Variants in RIMS2 observed in about 807,000 individuals in gnomAD.
RIMS2 encodes regulating synaptic membrane exocytosis 2.
Under a neutral mutation model 174.4 loss-of-function variants are expected in RIMS2, and 59 were observed. The ratio of observed to expected loss-of-function variants is 0.34; its 90% CI spans 0.27 to 0.42. The LOEUF is 0.42. Ranked by LOEUF, RIMS2 falls within the 10% of genes least tolerant of loss-of-function variation. RIMS2 has a pLI of 1.00. For missense variants in RIMS2, 1,620 were observed against 1,666.3 expected, an observed-to-expected ratio of 0.97 and a Z score of 0.48; for synonymous variants, 606 against 572.5, an observed-to-expected ratio of 1.06 and a Z score of -0.84.
At chr8:104,067,016 A>C (rs920445107) in intron 19 of RIMS2, among the ~76,000 whole-genome samples, 16 of 152,226 alleles carry the variant, frequency 1.1e-4, no homozygotes, top group Admixed American at 9.2e-4. Flanking sequence ...AAATTAAAAC[A>C]TTAAAAATTT....
chr8:103,946,184 A>G (rs2083723535), intron 14 of RIMS2, among the ~76,000 whole-genome samples: 1 of 152,168 alleles, frequency 6.6e-6, no homozygotes, highest in Admixed American at 6.5e-5. Context: ...TTAACATTTT[A>G]ATACTGAAAT....
intron 3 of RIMS2, among the ~76,000 whole-genome samples, chr8:103,794,492 C>G (rs1412437998): frequency 6.6e-6 from 1 of 152,054 alleles, no homozygotes; most frequent in Non-Finnish European, 1.5e-5. Context: ...AGAAGAAAAC[C>G]TAGGCAATAC....
chr8:103,786,160 C>T (rs114575885), intron 3 of RIMS2, among the ~76,000 whole-genome samples: 23,889 of 151,938 alleles, frequency 0.16, 1,987 homozygotes, highest in Middle Eastern at 0.24. Flanking sequence ...TTCTTCTCTC[C>T]TTCCATCTTT....
chr8:103,761,541 T>G (rs1419421994), intron 2 of RIMS2, among the ~76,000 whole-genome samples: 1 of 152,198 alleles, frequency 6.6e-6, no homozygotes, highest in African/African-American at 2.4e-5. Context: ...CTGAACAGCA[T>G]GAAGATAGCA....
At chr8:104,126,998 A>T (rs2098437309) in intron 19 of RIMS2, among the ~76,000 whole-genome samples, 1 of 152,182 alleles carries the variant, frequency 6.6e-6, no homozygotes, top group Admixed American at 6.5e-5. Context: ...AAAGTTCTAA[A>T]TTATCTGAAA....
exon 2 of RIMS2, chr8:103,697,125 A>G (rs752333714): frequency 6.2e-7 from 1 of 1,613,510 alleles, no homozygotes; most frequent in Admixed American, 1.7e-5. Context: ...AAGAGCAGGT[A>G]AAGAAGATGG....
chr8:103,691,453 A>G (rs532077395), intron 1 of RIMS2, among the ~76,000 whole-genome samples: 5 of 152,270 alleles, frequency 3.3e-5, no homozygotes, highest in African/African-American at 7.2e-5. Context: ...TACTTGATCA[A>G]TTCTGCTTTG....
chr8:104,107,655 A>T (rs2098098310), intron 19 of RIMS2, among the ~76,000 whole-genome samples: 1 of 152,216 alleles, frequency 6.6e-6, no homozygotes, highest in East Asian at 1.9e-4. Flanking sequence ...GTTTTTAAAT[A>T]GTCCAGGACA....
intron 4 of RIMS2, among the ~76,000 whole-genome samples, chr8:103,889,263 G>T (rs1400223759): frequency 6.6e-6 from 1 of 151,318 alleles, no homozygotes; most frequent in Admixed American, 6.6e-5. Context: ...ATTTTTATAT[G>T]GAGTGACATC....
At chr8:103,737,913 C>A (rs1426683979) in intron 2 of RIMS2, among the ~76,000 whole-genome samples, 1 of 152,150 alleles carries the variant, frequency 6.6e-6, no homozygotes, top group Non-Finnish European at 1.5e-5. Flanking sequence ...TCATATCACT[C>A]TGATTTTTCT....
intron 1 of RIMS2, among the ~76,000 whole-genome samples, chr8:103,605,377 TG>T (rs1192346160): frequency 7.1e-6 from 1 of 139,908 alleles, no homozygotes; most frequent in Admixed American, 7.1e-5. Context: ...ATAAGCTTTT[TG>T]ATGTGCTGCT....
At chr8:103,662,974 G>A (rs1436252454) in intron 1 of RIMS2, among the ~76,000 whole-genome samples, 1 of 152,014 alleles carries the variant, frequency 6.6e-6, no homozygotes, top group Non-Finnish European at 1.5e-5. Flanking sequence ...TTCGAGACTA[G>A]CCTGGCTAAC....
chr8:104,050,424 G>A (rs2096766725), intron 19 of RIMS2, among the ~76,000 whole-genome samples: 1 of 152,106 alleles, frequency 6.6e-6, no homozygotes, highest in Admixed American at 6.6e-5. Flanking sequence ...TGGGGAAGGA[G>A]CTATTTTTGA....
At position 104,141,107 on chromosome 8, in the gene RIMS2, G is replaced by A. The variant is rs533314407; in HGVS notation, c.3335-103809G>A. The stretch of plus-strand genomic sequence containing the variant: ...CAAAACATAGCTAGAGAGAGTGCAG[G>A]GACATATAACTAGCATAAAAAAAAG... On this transcript the variant is annotated intron_variant, in intron 19 of 23. Coordinates refer to ENST00000504942, the Ensembl canonical transcript of RIMS2. Among the ~76,000 whole-genome samples the A allele has an allele frequency of 3.3e-3, 491 of 147,392 alleles. 2 individuals carry two copies. The highest frequency in any genetic ancestry group is 0.012 in the African/African-American group (460 of 39,916).
At chr8:104,026,225 T>C (rs1185719244) in intron 19 of RIMS2, among the ~76,000 whole-genome samples, 4 of 152,230 alleles carry the variant, frequency 2.6e-5, no homozygotes, top group Non-Finnish European at 5.9e-5. Flanking sequence ...TTTCTACATA[T>C]TTCAATGCAT....
rs1452097120 is a variant in RIMS2 at position 103,788,075 on chromosome 8, C to T, written c.698+21538C>T. Among the ~76,000 whole-genome samples the T allele has an allele frequency of 7.9e-3, 1,179 of 150,188 alleles. 16 individuals carry two copies. Among genetic ancestry groups the T allele is most frequent in the African/African-American group, 0.028 (1,115 of 40,368 alleles). ...CAGTTGATCGCATTGGCTCCTGAGGCTTCTGCATTCTTCACGTAGTTCTCG... is the reference window on the plus strand; with the variant it reads ...CAGTTGATCGCATTGGCTCCTGAGGTTTCTGCATTCTTCACGTAGTTCTCG... On this transcript the variant is annotated intron_variant, in intron 3 of 23. Transcript: ENST00000504942.
chr8:103,889,438 G>T (rs982550104), intron 4 of RIMS2, among the ~76,000 whole-genome samples: 1 of 151,398 alleles, frequency 6.6e-6, no homozygotes, highest in Non-Finnish European at 1.5e-5. Context: ...AATATGCAAG[G>T]CAAATTTGCA....
At chr8:103,500,785 A>T in exon 1 of RIMS2, 1 of 646,176 alleles carries the variant, frequency 1.5e-6, no homozygotes, top group Admixed American at 3.2e-5. Context: ...ATTTGTATGT[A>T]TTTGTCCCAG....
intron 19 of RIMS2, among the ~76,000 whole-genome samples, chr8:104,169,356 C>T (rs2098818656): frequency 7.2e-6 from 1 of 139,020 alleles, no homozygotes; most frequent in Admixed American, 7.4e-5. Flanking sequence ...GATTCAATCT[C>T]ATTACTTGTT....
Sources: allele counts gnomAD v4.1 joint callset (sites outside exome capture counted in the v4.1 genomes callset), GRCh38; gene constraint gnomAD v4.1.1; transcripts MANE v1.5; gene names NCBI Gene and HGNC (gene_info 2026-07-23, HGNC 2026-07-21).